The following SSH2 variants were observed in gnomAD, a reference collection of about 807,000 sequenced individuals.
The protein encoded by SSH2 is slingshot protein phosphatase 2, also known as protein phosphatase Slingshot homolog 2.
Under a neutral mutation model 135.2 loss-of-function variants are expected in SSH2, and 37 were observed. That is an observed-to-expected ratio of 0.27 (90% CI 0.21 to 0.36). The LOEUF is 0.36. Ranked by LOEUF, SSH2 falls within the 10% of genes least tolerant of loss-of-function variation. SSH2 has a pLI of 1.00. For synonymous variants in SSH2, 628 were observed against 646.2 expected (o/e 0.97, Z 0.43); for missense variants, 1,408 against 1,765.3 (o/e 0.80, Z 3.63).
At chr17:29,925,609 T>A in intron 1 of SSH2, 1 of 397,238 alleles carries the variant, frequency 2.5e-6, no homozygotes, top group Non-Finnish European at 4.4e-6. Flanking sequence ...CTCAGGGGGC[T>A]GAGGCAGGAG....
intron 2 of SSH2, among the ~76,000 whole-genome samples, chr17:29,817,273 C>T (rs1315768697): frequency 6.6e-6 from 1 of 152,302 alleles, no homozygotes; most frequent in East Asian, 1.9e-4. Flanking sequence ...ACTCTTACTT[C>T]CTTAAGGCTC....
intron 3 of SSH2, among the ~76,000 whole-genome samples, chr17:29,764,320 C>T (rs1189257862): frequency 6.6e-6 from 1 of 152,184 alleles, no homozygotes; most frequent in Non-Finnish European, 1.5e-5. Context: ...GAAAATAGTT[C>T]TTTGTGCTAC....
chr17:29,670,591 T>C (rs9915626), intron 9 of SSH2, among the ~76,000 whole-genome samples: 84,947 of 151,842 alleles, frequency 0.56, 24,160 homozygotes, highest in East Asian at 0.68. Context: ...CTGGTCAACA[T>C]GGTGAAACCC....
intron 12 of SSH2, among the ~76,000 whole-genome samples, chr17:29,653,865 G>C (rs1381876311): frequency 6.6e-6 from 1 of 152,170 alleles, no homozygotes; most frequent in Admixed American, 6.5e-5. Context: ...TGGGATTACA[G>C]GCGTGAGCTA....
chr17:29,745,262 C>T (rs547759862), intron 3 of SSH2, among the ~76,000 whole-genome samples: 4 of 151,908 alleles, frequency 2.6e-5, no homozygotes, highest in African/African-American at 4.8e-5. Flanking sequence ...TGGGTTCAAG[C>T]GATTCTCATG....
intron 3 of SSH2, chr17:29,775,690 T>G (rs1402709811): frequency 1.3e-5 from 2 of 152,182 alleles, no homozygotes; most frequent in African/African-American, 2.4e-5. Flanking sequence ...GGCTGTTTCA[T>G]TTTGTAGGGT....
Position 29,631,655 on chromosome 17 carries a change from G to C in SSH2, c.3539C>G (p.Pro1180Arg). 1 of 1,614,162 alleles carries C rather than the reference G, an allele frequency of 6.2e-7. No homozygotes were observed. Among genetic ancestry groups the C allele is most frequent in the South Asian group, 1.1e-5 (1 of 91,080 alleles). ...TTCCCAGCTAACCTGTTCTGCAGAG[G>C]GCTCATCTGTAGTGCTGCTCTGCTC... ...FTEQSSTTDE[P>R]SAEQVSWEES... The change falls in exon 16 of 16, where the codon CCC (proline) becomes CGC (arginine). Residue 1180 changes from proline to arginine, a missense_variant. Coordinates refer to ENST00000540801, the MANE Select transcript of SSH2 (RefSeq NM_001282129.2).
chr17:29,757,939 C>A (rs1410512370), intron 3 of SSH2, among the ~76,000 whole-genome samples: 1 of 151,434 alleles, frequency 6.6e-6, no homozygotes, highest in Non-Finnish European at 1.5e-5. Flanking sequence ...CTCAGCTACA[C>A]AGAAGTTGAA....
rs567273184 is a variant in SSH2 at position 29,648,032 on chromosome 17, T to C, written c.1427+112A>G. ...GGATTGATAGAGAAATAAGTCTTTT[T>C]TGAAAAAATATCACATCCAAATCAG... On this transcript the variant is annotated intron_variant, in intron 14 of 15. Coordinates refer to ENST00000540801, the MANE Select transcript of SSH2 (RefSeq NM_001282129.2). 3.8e-5 allele frequency: 40 copies of C among 1,062,002 alleles called. No homozygotes were observed. The East Asian group carries it at 7.6e-4, about 20-fold the overall frequency. The allele number at this position is 1,062,002 out of a possible 1,614,324, so 65.8% of individuals were successfully genotyped here.
chr17:29,837,758 G>A (rs1030953094), intron 2 of SSH2, among the ~76,000 whole-genome samples: 22 of 152,244 alleles, frequency 1.4e-4, no homozygotes, highest in Admixed American at 9.2e-4. Flanking sequence ...GGGTTGGCTG[G>A]GGCCACTGTG....
At chr17:29,634,321 T>C (rs967222628) in intron 15 of SSH2, among the ~76,000 whole-genome samples, 1 of 152,202 alleles carries the variant, frequency 6.6e-6, no homozygotes, top group Non-Finnish European at 1.5e-5. Context: ...TGAAGTTTGG[T>C]ATGTTAGAGT....
At chr17:29,853,732 A>G (rs769544252) in intron 1 of SSH2, among the ~76,000 whole-genome samples, 1 of 151,804 alleles carries the variant, frequency 6.6e-6, no homozygotes, top group Non-Finnish European at 1.5e-5. Flanking sequence ...TCATCCATAA[A>G]AATGGACACA....
rs2037298163 is a variant in SSH2 at position 29,666,802 on chromosome 17, A to AC, written c.1032+64dup. On this transcript the variant is annotated intron_variant, in intron 11 of 15. Transcript: ENST00000540801. ...TTATGTATAATAAAATTTAATAATT[A>AC]CCCCTGCCCATGAGTCCATATGGGC... 8.9e-6 allele frequency: 13 copies of AC among 1,466,088 alleles called. No homozygotes were observed. The South Asian group carries it at 1.7e-4, about 19-fold the overall frequency. The allele number at this position is 1,466,088 out of a possible 1,614,324, so 90.8% of individuals were successfully genotyped here.
intron 5 of SSH2, among the ~76,000 whole-genome samples, chr17:29,690,077 C>A (rs2038399845): frequency 6.6e-6 from 1 of 151,304 alleles, no homozygotes; most frequent in South Asian, 2.1e-4. Context: ...AGGAAATACT[C>A]CTCCTTAAGC....
At chr17:29,897,194 C>A (rs933457630) in intron 1 of SSH2, among the ~76,000 whole-genome samples, 7 of 151,970 alleles carry the variant, frequency 4.6e-5, no homozygotes, top group Non-Finnish European at 1.0e-4. Flanking sequence ...ATTGTAAAGA[C>A]CATCGAGGCT....
At chr17:29,923,252 GA>G (rs2067007368) in intron 1 of SSH2, among the ~76,000 whole-genome samples, 1 of 151,982 alleles carries the variant, frequency 6.6e-6, no homozygotes, top group South Asian at 2.1e-4. Flanking sequence ...TGAATTTCTT[GA>G]AATCTTAATA....
intron 3 of SSH2, chr17:29,761,278 G>A (rs1311691126): frequency 1.6e-6 from 2 of 1,287,062 alleles, no homozygotes; most frequent in Admixed American, 2.3e-5. Flanking sequence ...TCAGGGTCAT[G>A]GGGCCGGCTC....
chr17:29,891,742 A>G (rs1008373839), intron 1 of SSH2, among the ~76,000 whole-genome samples: 7 of 152,186 alleles, frequency 4.6e-5, no homozygotes, highest in African/African-American at 1.7e-4. Flanking sequence ...TACAGAGCAG[A>G]ACCGCATCAT....
intron 3 of SSH2, among the ~76,000 whole-genome samples, chr17:29,751,805 A>C (rs909505458): frequency 1.3e-5 from 2 of 152,174 alleles, no homozygotes; most frequent in African/African-American, 4.8e-5. Context: ...AGTCAATAAA[A>C]TCAAGTAAAA....
Sources: gnomAD v4.1 joint callset for allele counts (sites outside exome capture counted in the v4.1 genomes callset) on GRCh38, gnomAD v4.1.1 for gene constraint, MANE v1.5 for transcripts, NCBI Gene and HGNC (gene_info 2026-07-23, HGNC 2026-07-21) for gene names.